The following ENPP2 variants were observed in gnomAD, a reference collection of about 807,000 sequenced individuals.
ENPP2 encodes ectonucleotide pyrophosphatase/phosphodiesterase 2, also known as autotaxin.
ENPP2 carries 51 observed loss-of-function variants against 120.2 expected under a neutral mutation model. The ratio of observed to expected loss-of-function variants is 0.42; its 90% confidence interval spans 0.34 to 0.54. ENPP2 has a LOEUF of 0.54. Ranked by LOEUF, ENPP2 falls within the 20% of genes least tolerant of loss-of-function variation. ENPP2 has a pLI of 0.04. For missense variants in ENPP2, 920 were observed against 1,066.5 expected (o/e 0.86, Z 1.91); for synonymous variants, 365 against 366.4 (o/e 1.00, Z 0.04).
chr8:119,601,320 C>A (rs1587444662), intron 10 of ENPP2, 77 bp downstream of exon 10: 4 of 1,003,268 alleles, frequency 4.0e-6, no homozygotes, highest in East Asian at 2.4e-5. Flanking sequence ...TGCTTCTATT[C>A]CACAGTCTAG....
chr8:119,634,049 G>T (rs897138952), intron 2 of ENPP2, among the ~76,000 whole-genome samples: 14 of 152,080 alleles, frequency 9.2e-5, no homozygotes, highest in Non-Finnish European at 1.9e-4. Context: ...CTGGCGCGGT[G>T]GTGGGCGCCT....
At chr8:119,656,912 CG>C (rs1563776646) in intron 1 of ENPP2, among the ~76,000 whole-genome samples, 1 of 151,896 alleles carries the variant, frequency 6.6e-6, no homozygotes, top group Non-Finnish European at 1.5e-5. Flanking sequence ...TATATAATAT[CG>C]TTTTTTATTT....
chr8:119,655,012 C>T (rs1455429196), intron 1 of ENPP2, among the ~76,000 whole-genome samples: 1 of 152,144 alleles, frequency 6.6e-6, no homozygotes, highest in East Asian at 1.9e-4. Flanking sequence ...TTATACATAC[C>T]TTGTTCTTAC....
At chr8:119,664,292 A>T (rs1818007593) in intron 1 of ENPP2, among the ~76,000 whole-genome samples, 1 of 152,184 alleles carries the variant, frequency 6.6e-6, no homozygotes, top group Non-Finnish European at 1.5e-5. Flanking sequence ...GCATCAGGAG[A>T]TCCATGTTTG....
chr8:119,602,008 A>C (rs1223823817), intron 9 of ENPP2, among the ~76,000 whole-genome samples: 3 of 152,238 alleles, frequency 2.0e-5, no homozygotes, highest in African/African-American at 7.2e-5. Context: ...CTTTAAAAAC[A>C]TATTTTTATT....
At chr8:119,563,040 AC>A (rs771610014) in intron 23 of ENPP2, 27 bp from the exon 24 acceptor site, 2 of 1,605,812 alleles carry the variant, frequency 1.2e-6, no homozygotes, top group African/African-American at 2.7e-5. Flanking sequence ...AAACGAAGTC[AC>A]AGTTGATGAG....
intron 9 of ENPP2, among the ~76,000 whole-genome samples, chr8:119,602,470 A>AG (rs1362446873): frequency 1.3e-5 from 2 of 152,190 alleles, no homozygotes; most frequent in East Asian, 3.9e-4. Context: ...AAAAAAAAAA[A>AG]AAAAAGAATA....
At chr8:119,598,502 G>A (rs1047569834) in intron 11 of ENPP2, among the ~76,000 whole-genome samples, 2 of 152,064 alleles carry the variant, frequency 1.3e-5, no homozygotes, top group Non-Finnish European at 2.9e-5. Context: ...CCTGTATGCC[G>A]CTTCATTTAT....
intron 19 of ENPP2, among the ~76,000 whole-genome samples, chr8:119,575,477 A>C (rs1204236608): frequency 6.6e-6 from 1 of 152,190 alleles, no homozygotes; most frequent in African/African-American, 2.4e-5. Context: ...TTTGTTGAGC[A>C]AAGAGTCTCT....
intron 12 of ENPP2, 44 bp from the exon 13 acceptor site, chr8:119,590,674 C>T (rs935360): frequency 0.49 from 670,923 of 1,380,244 alleles, 169,198 homozygotes; most frequent in African/African-American, 0.78. Context: ...AAGACTAAAA[C>T]GAAAATCTTA....
At chr8:119,672,056 G>A (rs1351568340) in intron 1 of ENPP2, among the ~76,000 whole-genome samples, 1 of 152,082 alleles carries the variant, frequency 6.6e-6, no homozygotes, top group Non-Finnish European at 1.5e-5. Context: ...GGAGGTCTTC[G>A]GCGGCCTTGC....
intron 19 of ENPP2, among the ~76,000 whole-genome samples, chr8:119,573,595 T>C (rs1470698241): frequency 6.6e-6 from 1 of 151,858 alleles, no homozygotes; most frequent in Non-Finnish European, 1.5e-5. Flanking sequence ...GGCAGATCAC[T>C]TGAGGTCAGG....
At chr8:119,586,926 G>A (rs1159611099) in intron 14 of ENPP2, 118 bp downstream of exon 14, 3 of 775,836 alleles carry the variant, frequency 3.9e-6, no homozygotes, top group African/African-American at 3.4e-5. Context: ...GGATGGCAGG[G>A]CAGTGAGGAA....
chr8:119,564,686 ATAT>A, intron 23 of ENPP2, 134 bp downstream of exon 23: 1 of 304,860 alleles, frequency 3.3e-6, no homozygotes, highest in South Asian at 1.3e-4. Flanking sequence ...TCAAAAAAAT[ATAT>A]ATATATATAT....
chr8:119,618,809 C>T (rs1415928555), intron 5 of ENPP2, among the ~76,000 whole-genome samples: 1 of 151,870 alleles, frequency 6.6e-6, no homozygotes, highest in Non-Finnish European at 1.5e-5. Context: ...GCTGGGATTA[C>T]AGGTGTGTAA....
At chr8:119,585,477 CA>C (rs1813039991) in intron 15 of ENPP2, among the ~76,000 whole-genome samples, 1 of 152,162 alleles carries the variant, frequency 6.6e-6, no homozygotes, top group South Asian at 2.1e-4. Context: ...GTACATGTGG[CA>C]GTTGTTCAAT....
intron 1 of ENPP2, among the ~76,000 whole-genome samples, chr8:119,646,984 T>C (rs971412436): frequency 2.0e-5 from 3 of 151,620 alleles, no homozygotes; most frequent in African/African-American, 7.3e-5. Context: ...TACCATATTG[T>C]CTGTAATCTC....
chr8:119,589,444 C>T (rs76599233), intron 13 of ENPP2, among the ~76,000 whole-genome samples: 5 of 152,074 alleles, frequency 3.3e-5, no homozygotes, highest in Non-Finnish European at 5.9e-5. Flanking sequence ...AAACCAACCT[C>T]CCCATTACAT....
intron 19 of ENPP2, among the ~76,000 whole-genome samples, chr8:119,579,060 T>C (rs1812544988): frequency 6.6e-6 from 1 of 152,220 alleles, no homozygotes; most frequent in Non-Finnish European, 1.5e-5. Context: ...GAATTCTTTC[T>C]GCATTTTCCA....
Sources: gnomAD v4.1 joint callset for allele counts (sites outside exome capture counted in the v4.1 genomes callset) on GRCh38, gnomAD v4.1.1 for gene constraint, MANE v1.5 for transcripts, NCBI Gene and HGNC (gene_info 2026-07-23, HGNC 2026-07-21) for gene names.